Variants in FOXE1 observed in about 807,000 individuals in gnomAD.
FOXE1 encodes the protein forkhead box protein E1.
A neutral mutation model predicts 2.1 loss-of-function variants in FOXE1; 4 were observed. The observed-to-expected ratio is 1.91, with a 90% confidence interval of 0.94 to 4.37. FOXE1 has a LOEUF of 4.37. Among genes scored for constraint, FOXE1 ranks in the 30% most tolerant of loss-of-function variants. The probability of loss-of-function intolerance (pLI) is 0.01; values close to 1 mark genes in which losing one functional copy is unlikely to be tolerated. For synonymous variants in FOXE1, 277 were observed against 272.4 expected (o/e 1.02, Z -0.17); for missense variants, 574 against 583.3 (o/e 0.98, Z 0.16).
rs3021523 is a variant in FOXE1, at chr9:97,854,301, T to G, written c.387T>G (p.Leu129=). The part of the protein sequence containing the change: ...GRPGKGNYWA[L]DPNAEDMFES... ...CGGGTAAGGGCAACTACTGGGCGCT[T>G]GACCCCAACGCGGAGGACATGTTCG... Residue 129 remains leucine (L), a synonymous_variant, in exon 1 of 1, where the codon CTT becomes CTG. Transcript: ENST00000375123. 1 of 1,610,860 alleles carries G rather than the reference T, an allele frequency of 6.2e-7. No homozygotes were observed. The highest frequency in any genetic ancestry group is 8.5e-7 in the Non-Finnish European group (1 of 1,178,760).
rs756663689 is a variant in FOXE1, at chr9:97,854,668, G to T, written c.754G>T (p.Ala252Ser). The T allele has an allele frequency of 1.4e-6, 2 of 1,402,420 alleles. No individual in the cohort carries two copies. The highest frequency in any genetic ancestry group is 3.1e-5 in the South Asian group (2 of 65,180). The allele number at this position is 1,402,420 out of a possible 1,614,324, so 86.9% of individuals were successfully genotyped here. Residue 252 changes from alanine to serine, a missense_variant, in exon 1 of 1, where the codon GCC becomes TCC. Physicochemically the swap from Ala to Ser is moderately conservative, Grantham distance 99 (BLOSUM62 1). This residue lies in a region of FOXE1 where 316 missense variants were observed against 288.4 expected (regional missense o/e 1.10). Coordinates refer to ENST00000375123, the MANE Select transcript of FOXE1 (RefSeq NM_004473.4). ...CGGCGGCTCTTGCGCCTTTGCCTCC[G>T]CCGGCGCCCCCGCTACCACCACCGG... Reference protein sequence around the residue: ...GPGGSCAFASAGAPATTTGYQ... With the variant: ...GPGGSCAFASSGAPATTTGYQ...
At position 97,854,412 on chromosome 9, in the gene FOXE1, TGCC is replaced by T; in HGVS notation, c.501_503del (p.Ala179del). ...CGGCTTACATGCACGACGCGGCGGC[TGCC>T]GCAGCCGCCGCCGCCGCCGCCGCCG... On this transcript the variant is annotated inframe_deletion, in exon 1 of 1. Transcript: ENST00000375123. The T allele has an allele frequency of 4.2e-6, 5 of 1,192,338 alleles. No individual in the cohort carries two copies. The highest frequency in any genetic ancestry group is 5.1e-5 in the Admixed American group (1 of 19,782). 73.9% of individuals were successfully genotyped at this position (1,192,338 alleles called of 1,614,324 possible).
chr9:97,854,139 G>C lies in FOXE1; in HGVS notation c.225G>C (p.Thr75=). Residue 75 remains threonine (T), a synonymous_variant, in exon 1 of 1, where the codon ACG becomes ACC. Transcript: ENST00000375123. ...AIAHAPERRL[T]LGGIYKFITE... ...CGCACGCGCCCGAGCGCCGCCTCAC[G>C]CTGGGCGGCATCTACAAGTTCATCA... 6.2e-7 allele frequency: 1 copy of C among 1,612,454 alleles called. No homozygotes were observed. The highest frequency in any genetic ancestry group is 1.1e-5 in the South Asian group (1 of 91,030).
At position 97,853,762 on chromosome 9, in the gene FOXE1, C is replaced by A; in HGVS notation, c.-153C>A. 2 of 636,220 alleles carry A rather than the reference C, an allele frequency of 3.1e-6. No individual in the cohort carries two copies. Among genetic ancestry groups the A allele is most frequent in the East Asian group, 3.8e-5 (1 of 26,032 alleles). The allele number at this position is 636,220 out of a possible 1,614,324, so 39.4% of individuals were successfully genotyped here. A position where few individuals can be genotyped will look rare whatever the true frequency, so the allele number is the denominator to read the frequency against. ...CGGACGCTGAGCCTCCAGCGCGTGCCAGCCTGGGCCGCTGGGCTCTCGGGG... is the reference window on the plus strand; with the variant it reads ...CGGACGCTGAGCCTCCAGCGCGTGCAAGCCTGGGCCGCTGGGCTCTCGGGG... On this transcript the variant is annotated 5_prime_UTR_variant, in exon 1 of 1. Transcript: ENST00000375123.
At position 97,856,085 on chromosome 9, in the gene FOXE1, A is replaced by C. The variant is rs2131487899; in HGVS notation, c.*1049A>C. ...AAAGTTTAAGGAGATGAGAGGATTC[A>C]AGGAGCCCGTTGGTGACGCCTTTCA... On this transcript the variant is annotated 3_prime_UTR_variant, in exon 1 of 1. Coordinates refer to ENST00000375123, the MANE Select transcript of FOXE1 (RefSeq NM_004473.4). 1 of 166,748 alleles carries C rather than the reference A, an allele frequency of 6.0e-6. No homozygotes were observed. The highest frequency in any genetic ancestry group is 2.1e-4 in the South Asian group (1 of 4,830). 10.3% of individuals were successfully genotyped at this position (166,748 alleles called of 1,614,324 possible). A position where few individuals can be genotyped will look rare whatever the true frequency, so the allele number is the denominator to read the frequency against.
Position 97,855,042 on chromosome 9 carries a change from C to T in FOXE1, c.*6C>T. ...GGTTCGTGTCCGCCATGTGAGCCAG[C>T]GTAGGGACGAAAACTCATAGACACA... On this transcript the variant is annotated 3_prime_UTR_variant, in exon 1 of 1. Transcript: ENST00000375123. 6.2e-7 allele frequency: 1 copy of T among 1,612,482 alleles called. No individual in the cohort carries two copies. Among genetic ancestry groups the T allele is most frequent in the South Asian group, 1.1e-5 (1 of 91,058 alleles).
At position 97,854,926 on chromosome 9, in the gene FOXE1, G is replaced by A; in HGVS notation, c.1012G>A (p.Ala338Thr). 3 of 1,600,930 alleles carry A rather than the reference G, an allele frequency of 1.9e-6. No homozygotes were observed. The highest frequency in any genetic ancestry group is 2.5e-6 in the Non-Finnish European group (3 of 1,179,784). ...GCCCGGCCAGTTCGGAGCGCTGGGA[G>A]CCTGCTACAACCCTGGCGGGCAGCT... ...TSPGQFGALG[A>T]CYNPGGQLGG... Residue 338 changes from alanine to threonine, a missense_variant, in exon 1 of 1, where the codon GCC becomes ACC. This residue lies in a region of FOXE1 where 316 missense variants were observed against 288.4 expected (regional missense o/e 1.10). Coordinates refer to ENST00000375123, the MANE Select transcript of FOXE1 (RefSeq NM_004473.4).
rs988624138 is a variant in FOXE1, at chr9:97,854,461, G to A, written c.547G>A (p.Gly183Ser). The A allele has an allele frequency of 7.3e-6, 9 of 1,239,694 alleles. No individual in the cohort carries two copies. The African/African-American group carries it at 7.9e-5, about 11-fold the overall frequency. The allele number at this position is 1,239,694 out of a possible 1,614,324, so 76.8% of individuals were successfully genotyped here. The change falls in exon 1 of 1, where the codon GGC becomes AGC. Residue 183 changes from glycine to serine, a missense_variant. Physicochemically the swap from Gly to Ser is moderately conservative, Grantham distance 56 (BLOSUM62 0). Transcript: ENST00000375123. ...CGCCGCCGCCGCCGCCATCTTCCCA[G>A]GCGCGGTGCCCGCCGCGCGCCCCCC... ...AAAAAAAIFP[G>S]AVPAARPPYP... is the part of the protein sequence containing the mutation.
rs746677097 is a variant in FOXE1 at position 97,854,890 on chromosome 9, G to T, written c.976G>T (p.Gly326Trp). The change falls in exon 1 of 1, where the codon GGG becomes TGG. Residue 326 changes from glycine to tryptophan, a missense_variant. Gly to Trp is a radical substitution (Grantham distance 184). Transcript: ENST00000375123. ...CGTGGAGACCACGGTGGACTTCTAC[G>T]GGCGCACGTCGCCCGGCCAGTTCGG... is the stretch of plus-strand genomic sequence containing the variant. ...GGVETTVDFYGRTSPGQFGAL... is the reference protein window; with the variant it reads ...GGVETTVDFYWRTSPGQFGAL... 27 of 1,591,006 alleles carry T rather than the reference G, an allele frequency of 1.7e-5. No individual in the cohort carries two copies. Among genetic ancestry groups the T allele is most frequent in the Non-Finnish European group, 2.3e-5 (27 of 1,176,536 alleles).
In FOXE1 at chr9:97,855,076, T is replaced by C; in HGVS notation, c.*40T>C. On this transcript the variant is annotated 3_prime_UTR_variant, in exon 1 of 1. Coordinates refer to ENST00000375123, the MANE Select transcript of FOXE1 (RefSeq NM_004473.4). ...GAAAACTCATAGACACATCGGCTGT[T>C]CACACGTTCCCCGCAATCTGAGAAC... 6.2e-7 allele frequency: 1 copy of C among 1,609,182 alleles called. No homozygotes were observed. Among genetic ancestry groups the C allele is most frequent in the Non-Finnish European group, 8.5e-7 (1 of 1,178,066 alleles).
Position 97,853,738 on chromosome 9 carries a change from G to C in FOXE1, c.-177G>C, listed in dbSNP as rs549601899. 626 of 453,446 alleles carry C rather than the reference G, an allele frequency of 1.4e-3. 8 individuals are homozygous for C. The East Asian group carries it at 0.022, about 16-fold the overall frequency. The allele number at this position is 453,446 out of a possible 1,614,324, so 28.1% of individuals were successfully genotyped here. On this transcript the variant is annotated 5_prime_UTR_variant, in exon 1 of 1. Transcript: ENST00000375123. ...CTGCACCGCGCCAGCCCCAGACCACGGACGCTGAGCCTCCAGCGCGTGCCA... is the reference window on the plus strand; with the variant it reads ...CTGCACCGCGCCAGCCCCAGACCACCGACGCTGAGCCTCCAGCGCGTGCCA...
rs1830647178 is a variant in FOXE1, at chr9:97,854,847, G to GGGCGGCAGCAGT, written c.940_951dup (p.Ser314_Gly317dup). 6.4e-7 allele frequency: 1 copy of GGGCGGCAGCAGT among 1,550,490 alleles called. No individual in the cohort carries two copies. The highest frequency in any genetic ancestry group is 8.6e-7 in the Non-Finnish European group (1 of 1,156,218). ...TGGCGGGACCCGCTTCGCCCCCAGC[G>GGGCGGCAGCAGT]GGCGGCAGCAGTGGCGGCGTGGAGA... is the stretch of plus-strand genomic sequence containing the variant. On this transcript the variant is annotated inframe_insertion, in exon 1 of 1. Coordinates refer to ENST00000375123, the MANE Select transcript of FOXE1 (RefSeq NM_004473.4).
At position 97,854,169 on chromosome 9, in the gene FOXE1, G is replaced by T. The variant is rs141672301; in HGVS notation, c.255G>T (p.Glu85Asp). ...TLGGIYKFIT[E>D]RFPFYRDNPK... The stretch of plus-strand genomic sequence containing the variant: ...GCGGCATCTACAAGTTCATCACCGA[G>T]CGCTTCCCCTTCTACCGCGACAACC... Residue 85 changes from glutamate to aspartate, a missense_variant, in exon 1 of 1, where the codon GAG becomes GAT. By Grantham distance (45) the Glu-to-Asp change is conservative. This residue lies in a region of FOXE1 where 249 missense variants were observed against 269.6 expected (regional missense o/e 0.92). Transcript: ENST00000375123. The T allele has an allele frequency of 5.1e-5, 83 of 1,612,816 alleles. No homozygotes were observed. The highest frequency in any genetic ancestry group is 6.6e-5 in the Non-Finnish European group (78 of 1,179,712).
Position 97,855,597 on chromosome 9 carries a change from T to C in FOXE1, c.*561T>C, listed in dbSNP as rs116899397. 2.8e-3 allele frequency: 514 copies of C among 182,870 alleles called. 9 individuals carry two copies. In the East Asian group the frequency reaches 0.065, roughly 23 times the overall value. The allele number at this position is 182,870 out of a possible 1,614,324, so 11.3% of individuals were successfully genotyped here. A position where few individuals can be genotyped will look rare whatever the true frequency, so the allele number is the denominator to read the frequency against. ...GACCTGGGCTGGTTTTCCCTGTCTC[T>C]GAGAACTTGAGACCTAGCTCCGAGT... On this transcript the variant is annotated 3_prime_UTR_variant, in exon 1 of 1. Coordinates refer to ENST00000375123, the MANE Select transcript of FOXE1 (RefSeq NM_004473.4).
rs1162674885 is a variant in FOXE1, at chr9:97,854,839, C to T, written c.925C>T (p.Pro309Ser). The change falls in exon 1 of 1, where the codon CCC becomes TCC. Residue 309 changes from proline to serine, a missense_variant. Physicochemically the swap from Pro to Ser is moderately conservative, Grantham distance 74. This residue lies in a region of FOXE1 where 316 missense variants were observed against 288.4 expected (regional missense o/e 1.10). Coordinates refer to ENST00000375123, the MANE Select transcript of FOXE1 (RefSeq NM_004473.4). The part of the protein sequence containing the change: ...AAGRLAGPAS[P>S]PAGGSSGGVE... ...TGGCCGCCTGGCGGGACCCGCTTCG[C>T]CCCCAGCGGGCGGCAGCAGTGGCGG... The T allele has an allele frequency of 1.9e-6, 3 of 1,546,356 alleles. No homozygotes were observed. Among genetic ancestry groups the T allele is most frequent in the Non-Finnish European group, 2.6e-6 (3 of 1,153,776 alleles).
In FOXE1 at chr9:97,854,357, G is replaced by C. The variant is rs1176602274; in HGVS notation, c.443G>C (p.Arg148Pro). 1 of 1,601,978 alleles carries C rather than the reference G, an allele frequency of 6.2e-7. No homozygotes were observed. The highest frequency in any genetic ancestry group is 2.3e-5 in the East Asian group (1 of 44,096). Residue 148 changes from arginine to proline, a missense_variant, in exon 1 of 1, where the codon CGC (arginine) becomes CCC (proline). By Grantham distance (103) the Arg-to-Pro change is moderately radical. Around this residue, in one of 3 missense-constraint regions of FOXE1, gnomAD observed 249 missense variants for 269.6 expected, o/e 0.92. Coordinates refer to ENST00000375123, the MANE Select transcript of FOXE1 (RefSeq NM_004473.4). ...GGCAGCTTCCTGCGCCGCCGCAAGC[G>C]CTTCAAGCGCTCGGACCTCTCCACC... ...ESGSFLRRRK[R>P]FKRSDLSTYP...
rs1242700002 is a variant in FOXE1 at position 97,854,789 on chromosome 9, C to G, written c.875C>G (p.Ala292Gly). The change falls in exon 1 of 1, where the codon GCC becomes GGC. Residue 292 changes from alanine (A) to glycine (G), a missense_variant. Physicochemically the swap from Ala to Gly is moderately conservative, Grantham distance 60 (BLOSUM62 0). This residue lies in a region of FOXE1 where 316 missense variants were observed against 288.4 expected (regional missense o/e 1.10). Coordinates refer to ENST00000375123, the MANE Select transcript of FOXE1 (RefSeq NM_004473.4). The part of the protein sequence containing the change: ...AGPDGAYPQG[A>G]GSAIFAAAGR... ...CCCGACGGCGCGTACCCGCAGGGCG[C>G]CGGCAGTGCGATCTTTGCCGCTGCT... 1 of 1,524,820 alleles carries G rather than the reference C, an allele frequency of 6.6e-7. No homozygotes were observed. Among genetic ancestry groups the G allele is most frequent in the East Asian group, 2.5e-5 (1 of 40,538 alleles). 94.5% of individuals were successfully genotyped at this position (1,524,820 alleles called of 1,614,324 possible).
rs1387435035 is a variant in FOXE1, at chr9:97,854,402, A to ACGCGGCGGCTGC, written c.492_503dup (p.Ala176_Ala179dup). ...TCCACCTACCCGGCTTACATGCACG[A>ACGCGGCGGCTGC]CGCGGCGGCTGCCGCAGCCGCCGCC... is the stretch of plus-strand genomic sequence containing the variant. On this transcript the variant is annotated inframe_insertion, in exon 1 of 1. Transcript: ENST00000375123. 1.6e-6 allele frequency: 2 copies of ACGCGGCGGCTGC among 1,285,068 alleles called. No homozygotes were observed. The highest frequency in any genetic ancestry group is 2.0e-6 in the Non-Finnish European group (2 of 1,019,178). 79.6% of individuals were successfully genotyped at this position (1,285,068 alleles called of 1,614,324 possible). A position where few individuals can be genotyped will look rare whatever the true frequency, so the allele number is the denominator to read the frequency against.
chr9:97,855,205 C>T lies in FOXE1; in HGVS notation c.*169C>T. The T allele has an allele frequency of 1.2e-6, 1 of 840,522 alleles. No homozygotes were observed. The highest frequency in any genetic ancestry group is 2.0e-6 in the Non-Finnish European group (1 of 509,098). The allele number at this position is 840,522 out of a possible 1,614,324, so 52.1% of individuals were successfully genotyped here. The stretch of plus-strand genomic sequence containing the variant: ...GCACAGCGTAGGCACCCGGTGTACT[C>T]TGTAAACGGGAGGAGGTGGGGCGAG... On this transcript the variant is annotated 3_prime_UTR_variant, in exon 1 of 1. Coordinates refer to ENST00000375123, the MANE Select transcript of FOXE1 (RefSeq NM_004473.4).
Sources: gnomAD v4.1 joint callset for allele counts on GRCh38, gnomAD v4.1.1 for gene constraint, gnomAD v4.1.1 regional missense constraint, MANE v1.5 for transcripts, NCBI Gene and HGNC (gene_info 2026-07-23, HGNC 2026-07-21) for gene names.